The following LMBR1 variants were observed in gnomAD, a reference collection of about 807,000 sequenced individuals.
LMBR1 encodes limb region 1 protein homolog.
In LMBR1, 52 loss-of-function variants were observed where a neutral mutation model predicts 73.9. The observed-to-expected ratio is 0.70, with a 90% CI of 0.56 to 0.89. The LOEUF is 0.89. Among genes scored for constraint, LMBR1 ranks in the 40% least tolerant of loss-of-function variants. LMBR1 has a pLI of 0.00. For missense variants in LMBR1, 539 were observed against 579.8 expected (o/e 0.93, Z 0.72); for synonymous variants, 215 against 209.4 (o/e 1.03, Z -0.23).
At chr7:156,801,769 C>T (rs977068764) in intron 4 of LMBR1, among the ~76,000 whole-genome samples, 1 of 151,938 alleles carries the variant, frequency 6.6e-6, no homozygotes, top group Non-Finnish European at 1.5e-5. Flanking sequence ...TGGGCTCAAG[C>T]GATCCACTCA....
intron 1 of LMBR1, among the ~76,000 whole-genome samples, chr7:156,864,866 G>T (rs982850875): frequency 1.7e-4 from 26 of 151,906 alleles, no homozygotes; most frequent in Non-Finnish European, 4.4e-5. Context: ...CACGGTGGTG[G>T]GTGCTTGTAA....
At position 156,727,999 on chromosome 7, in the gene LMBR1, C is replaced by T. The variant is rs369290341; in HGVS notation, c.924G>A (p.Ser308=). Residue 308 remains serine, a synonymous_variant, in exon 12 of 17, where the codon TCG becomes TCA. Coordinates refer to ENST00000353442, the MANE Select transcript of LMBR1 (RefSeq NM_022458.4). The stretch of plus-strand genomic sequence containing the variant: ...GAATATTACAAGCCACCAAGAGGAC[C>T]GAGATGGACTACAAGACAAACAGCA... ...MVLLLIETSI[S]VLLVACNILC... The T allele has an allele frequency of 8.1e-6, 13 of 1,612,008 alleles. No individual in the cohort carries two copies. The highest frequency in any genetic ancestry group is 3.3e-5 in the Admixed American group (2 of 59,904).
chr7:156,751,713 G>C (rs576394837), intron 9 of LMBR1, among the ~76,000 whole-genome samples: 20 of 152,208 alleles, frequency 1.3e-4, no homozygotes, highest in Non-Finnish European at 2.5e-4. Context: ...GAATCCATAT[G>C]GGAATTAAGA....
At chr7:156,792,777 C>T (rs138461323) in intron 5 of LMBR1, among the ~76,000 whole-genome samples, 2 of 152,236 alleles carry the variant, frequency 1.3e-5, no homozygotes, top group Non-Finnish European at 2.9e-5. Flanking sequence ...CCAATTTCCG[C>T]ATCTCGGCAC....
intron 1 of LMBR1, among the ~76,000 whole-genome samples, chr7:156,891,725 T>C (rs2134658890): frequency 6.6e-6 from 1 of 152,336 alleles, no homozygotes; most frequent in South Asian, 2.1e-4. Flanking sequence ...TATGAAATGA[T>C]CTGAAGGGTA....
At chr7:156,856,881 G>A (rs1211500591) in intron 1 of LMBR1, among the ~76,000 whole-genome samples, 1 of 151,962 alleles carries the variant, frequency 6.6e-6, no homozygotes, top group African/African-American at 2.4e-5. Flanking sequence ...ACAGCAAGAG[G>A]GGAACTAGGA....
chr7:156,870,482 G>C (rs1461619193), intron 1 of LMBR1, among the ~76,000 whole-genome samples: 1 of 152,184 alleles, frequency 6.6e-6, no homozygotes, highest in Non-Finnish European at 1.5e-5. Context: ...AATATCTCAA[G>C]ATGCCGGGCG....
At chr7:156,830,455 T>C (rs1004321662) in intron 3 of LMBR1, among the ~76,000 whole-genome samples, 2 of 152,242 alleles carry the variant, frequency 1.3e-5, no homozygotes, top group African/African-American at 4.8e-5. Context: ...GACTTTATCA[T>C]AGTTGAATTT....
At chr7:156,868,519 C>T (rs1313679414) in intron 1 of LMBR1, among the ~76,000 whole-genome samples, 3 of 151,768 alleles carry the variant, frequency 2.0e-5, no homozygotes, top group African/African-American at 4.8e-5. Flanking sequence ...CCTAAAAATA[C>T]GAAAATTAGT....
At chr7:156,862,467 A>T (rs899091032) in intron 1 of LMBR1, among the ~76,000 whole-genome samples, 2 of 151,902 alleles carry the variant, frequency 1.3e-5, no homozygotes, top group African/African-American at 4.8e-5. Flanking sequence ...GTAAAATATA[A>T]AACTATAAAT....
chr7:156,786,632 A>G (rs1394378234), intron 5 of LMBR1, among the ~76,000 whole-genome samples: 1 of 152,198 alleles, frequency 6.6e-6, no homozygotes, highest in Non-Finnish European at 1.5e-5. Flanking sequence ...CAACTATCAA[A>G]TTACTAAGAG....
chr7:156,720,637 A>G (rs998049497), intron 15 of LMBR1, among the ~76,000 whole-genome samples: 17 of 151,930 alleles, frequency 1.1e-4, no homozygotes, highest in Admixed American at 1.0e-3. Context: ...GTTAATTACT[A>G]TAAGTTAATA....
At chr7:156,836,764 G>T in intron 2 of LMBR1, 49 bp downstream of exon 2, 2 of 1,203,704 alleles carry the variant, frequency 1.7e-6, no homozygotes, top group South Asian at 2.7e-5. Context: ...ACCATGCCTA[G>T]ACCATGTGGC....
chr7:156,803,886 C>T lies in LMBR1; in HGVS notation c.320-7394G>A, dbSNP rs556052651. Among the ~76,000 whole-genome samples the T allele has an allele frequency of 3.5e-3, 523 of 150,706 alleles. 3 individuals carry two copies. Among genetic ancestry groups the T allele is most frequent in the African/African-American group, 0.012 (502 of 41,034 alleles). On this transcript the variant is annotated intron_variant, in intron 4 of 16. Coordinates refer to ENST00000353442, the MANE Select transcript of LMBR1 (RefSeq NM_022458.4). Reference sequence around the variant, plus strand: ...GAACCCATCATTCTCAGCAAACTATCGCAAGGACAAAAAACCAAACACCGC... The same window carrying T: ...GAACCCATCATTCTCAGCAAACTATTGCAAGGACAAAAAACCAAACACCGC...
chr7:156,719,409 CTT>C (rs1313031339), intron 15 of LMBR1, among the ~76,000 whole-genome samples: 2 of 152,008 alleles, frequency 1.3e-5, no homozygotes, highest in Non-Finnish European at 2.9e-5. Context: ...GGTTCCAAGT[CTT>C]TGCTATTGTG....
intron 15 of LMBR1, among the ~76,000 whole-genome samples, chr7:156,700,539 A>AT (rs1809436115): frequency 2.6e-5 from 4 of 152,136 alleles, no homozygotes; most frequent in Admixed American, 2.6e-4. Flanking sequence ...AACTTAAAGT[A>AT]TAATAATAAT....
Position 156,688,113 on chromosome 7 carries a change from T to C in LMBR1, c.1304A>G (p.Asn435Ser), listed in dbSNP as rs145270950. ...LGNFYIVLSYNLLFAIVTTLC... is the reference protein window; with the variant it reads ...LGNFYIVLSYSLLFAIVTTLC... ...TGTTGTCACAATAGCAAAAAGCAAA[T>C]TGTAGGATAATACAATATAGAAATT... Residue 435 changes from asparagine (N) to serine (S), a missense_variant, in exon 16 of 17, where the codon AAT (asparagine) becomes AGT (serine). Around this residue, in one of 3 missense-constraint regions of LMBR1, gnomAD observed 69 missense variants for 68.5 expected, o/e 1.01. Coordinates refer to ENST00000353442, the MANE Select transcript of LMBR1 (RefSeq NM_022458.4). The C allele has an allele frequency of 6.2e-6, 10 of 1,612,662 alleles. No individual in the cohort carries two copies. The highest frequency in any genetic ancestry group is 4.5e-5 in the East Asian group (2 of 44,814).
chr7:156,699,906 G>A (rs1232960552), intron 15 of LMBR1, among the ~76,000 whole-genome samples: 1 of 152,160 alleles, frequency 6.6e-6, no homozygotes, highest in African/African-American at 2.4e-5. Context: ...GAAACAACAG[G>A]TGCTGGAGAG....
rs1197249563 is a variant in LMBR1, at chr7:156,680,012, T to A, written c.*4066A>T. The stretch of plus-strand genomic sequence containing the variant: ...GGATCAATCACCAAGTTTTGAAATT[T>A]TGTATATATTTGTGAGTTTTAGGAA... On this transcript the variant is annotated 3_prime_UTR_variant, in exon 17 of 17. Coordinates refer to ENST00000353442, the MANE Select transcript of LMBR1 (RefSeq NM_022458.4). 6.6e-6 allele frequency: 1 copy of A among 152,234 alleles called. No homozygotes were observed. Among genetic ancestry groups the A allele is most frequent in the African/African-American group, 2.4e-5 (1 of 41,464 alleles). The allele number at this position is 152,234 out of a possible 1,614,324, so 9.4% of individuals were successfully genotyped here. A position where few individuals can be genotyped will look rare whatever the true frequency, so the allele number is the denominator to read the frequency against.
Sources: gnomAD v4.1 joint callset for allele counts (sites outside exome capture counted in the v4.1 genomes callset) on GRCh38, gnomAD v4.1.1 for gene constraint, gnomAD v4.1.1 regional missense constraint, MANE v1.5 for transcripts, NCBI Gene and HGNC (gene_info 2026-07-23, HGNC 2026-07-21) for gene names.